KIAA0930: variants seen among roughly 807,000 people sequenced by gnomAD.
KIAA0930 encodes the protein uncharacterized protein KIAA0930.
KIAA0930 carries 24 observed loss-of-function variants against 43.9 expected under a neutral mutation model. The observed-to-expected ratio is 0.55, with a 90% CI of 0.40 to 0.77. The LOEUF is 0.77. KIAA0930 is among the 30% of genes least tolerant of loss of function. The pLI is 0.00. For synonymous variants in KIAA0930, 259 were observed against 216.4 expected (o/e 1.20, Z -1.73); for missense variants, 461 against 574.2 (o/e 0.80, Z 2.02).
intron 1 of KIAA0930, among the ~76,000 whole-genome samples, chr22:45,231,895 G>A (rs2083856050): frequency 6.6e-6 from 1 of 152,214 alleles, no homozygotes; most frequent in Admixed American, 6.5e-5. Flanking sequence ...GGAGGCTGAG[G>A]CAGGAGAATG....
rs55641702 is a variant in KIAA0930, at chr22:45,206,701, A to ATTT, written c.217-792_217-790dup. ...ACCTCTCCTGGGAGACTGGCTTCCA[A>ATTT]TTTTTTTTTTTTTTTGAGACAGAAT... is the stretch of plus-strand genomic sequence containing the variant. On this transcript the variant is annotated intron_variant, in intron 2 of 9. Coordinates refer to ENST00000336156, the MANE Select transcript of KIAA0930 (RefSeq NM_001009880.2). 5.5e-5 allele frequency among the ~76,000 whole-genome samples: 8 copies of ATTT among 146,218 alleles called. 2 individuals are homozygous for ATTT. Among genetic ancestry groups the ATTT allele is most frequent in the East Asian group, 2.0e-4 (1 of 5,004 alleles).
At chr22:45,205,770 G>GGGGGGCCC in intron 3 of KIAA0930, 23 bp downstream of exon 3, 22 of 1,523,732 alleles carry the variant, frequency 1.4e-5, no homozygotes, top group Non-Finnish European at 1.7e-5. Context: ...CCAATCCGCA[G>GGGGGGCCC]CCCCACCCAT....
At chr22:45,224,564 T>G (rs1206597695) in intron 1 of KIAA0930, among the ~76,000 whole-genome samples, 1 of 152,214 alleles carries the variant, frequency 6.6e-6, no homozygotes, top group Admixed American at 6.5e-5. Flanking sequence ...ATCAGTTAGT[T>G]TGGTCTCATG....
chr22:45,209,346 A>T (rs2083671902), intron 2 of KIAA0930, among the ~76,000 whole-genome samples: 1 of 152,020 alleles, frequency 6.6e-6, no homozygotes, highest in South Asian at 2.1e-4. Context: ...TCTCCCCATC[A>T]GCGCCTCCAG....
At position 45,197,884 on chromosome 22, in the gene KIAA0930, G is replaced by A. The variant is rs73434134; in HGVS notation, c.1080C>T (p.Val360=). ...RSLSGTGRSL[V]GSWLKLNRAD... is the part of the protein sequence containing the mutation. ...CTCTGTTCAGCTTCAGCCAGGACCC[G>A]ACCAGGGACCGTCCTGTGCCCGACA... The change falls in exon 9 of 10, where the codon GTC becomes GTT. Residue 360 remains valine, a synonymous_variant. Coordinates refer to ENST00000336156, the MANE Select transcript of KIAA0930 (RefSeq NM_001009880.2). The A allele has an allele frequency of 0.014, 22,941 of 1,614,132 alleles. 2,710 individuals carry two copies. The African/African-American group carries it at 0.26, about 18-fold the overall frequency.
At chr22:45,204,869 C>A (rs1018446928) in intron 5 of KIAA0930, among the ~76,000 whole-genome samples, 2 of 152,088 alleles carry the variant, frequency 1.3e-5, no homozygotes, top group Non-Finnish European at 2.9e-5. Context: ...GCTTCTTTAT[C>A]ATTTACTAGC....
chr22:45,228,552 G>T (rs967940800), intron 1 of KIAA0930, among the ~76,000 whole-genome samples: 2 of 152,156 alleles, frequency 1.3e-5, no homozygotes, highest in African/African-American at 2.4e-5. Context: ...CTTCCCAGAA[G>T]CGGCTCAGCA....
In KIAA0930 at chr22:45,199,900, C is replaced by A. The variant is rs1029599549; in HGVS notation, c.988G>T (p.Glu330Ter). The A allele has an allele frequency of 3.8e-6, 6 of 1,596,312 alleles. No individual in the cohort carries two copies. The African/African-American group carries it at 8.1e-5, about 21-fold the overall frequency. ...KKSHSANDSE[E>*]FFREDDGGAD... ...CCACCGTCGTCCTCCCGGAAGAACT[C>A]CTCGCTGTCGTTGGCCGAGTGCGAC... Residue 330 changes from glutamate to a stop codon, truncating the protein, a stop_gained, in exon 8 of 10, where the codon GAG becomes TAG. Coordinates refer to ENST00000336156, the MANE Select transcript of KIAA0930 (RefSeq NM_001009880.2). LOFTEE classifies it high-confidence loss of function.
intron 4 of KIAA0930, 47 bp downstream of exon 4, chr22:45,205,583 C>A (rs752034966): frequency 2.7e-5 from 43 of 1,575,438 alleles, no homozygotes; most frequent in Non-Finnish European, 3.8e-5. Context: ...CCACGCCCAG[C>A]CTGAACTGGC....
intron 7 of KIAA0930, 66 bp from the exon 8 acceptor site, chr22:45,200,101 C>A: frequency 6.9e-7 from 1 of 1,457,258 alleles, no homozygotes; most frequent in Middle Eastern, 2.5e-4. Context: ...TCCCAACGCC[C>A]CTCCTATCCC....
intron 7 of KIAA0930, among the ~76,000 whole-genome samples, chr22:45,202,333 C>T (rs567894803): frequency 3.9e-5 from 6 of 152,376 alleles, no homozygotes; most frequent in South Asian, 4.1e-4. Flanking sequence ...CTCAGCCTCC[C>T]GCCCTGGGGA....
intron 7 of KIAA0930, 148 bp downstream of exon 7, chr22:45,202,842 G>A (rs903105686): frequency 6.4e-5 from 41 of 639,182 alleles, no homozygotes; most frequent in African/African-American, 3.9e-4. Context: ...TGGGTGGTCC[G>A]GGCCTCCGCA....
At chr22:45,200,742 G>T (rs2147735779) in intron 7 of KIAA0930, among the ~76,000 whole-genome samples, 1 of 152,362 alleles carries the variant, frequency 6.6e-6, no homozygotes, top group East Asian at 1.9e-4. Context: ...CACATTGCAG[G>T]TCCCTGCCCT....
intron 1 of KIAA0930, among the ~76,000 whole-genome samples, chr22:45,218,274 C>T (rs1343533841): frequency 6.6e-6 from 1 of 151,488 alleles, no homozygotes; most frequent in African/African-American, 2.4e-5. Context: ...TCTCCCATCT[C>T]AGCCTCCCAA....
chr22:45,199,939 C>A lies in KIAA0930; in HGVS notation c.949G>T (p.Ala317Ser). ...LKRKVPRNRI[A>S]EMKKSHSAND... Reference sequence around the variant, plus strand: ...GCCGAGTGCGACTTCTTCATCTCAGCGATCCGGTTCCGGGGCACCTTCCTC... The same window carrying A: ...GCCGAGTGCGACTTCTTCATCTCAGAGATCCGGTTCCGGGGCACCTTCCTC... The change falls in exon 8 of 10, where the codon GCT becomes TCT. Residue 317 changes from alanine (A) to serine (S), a missense_variant. Physicochemically the swap from Ala to Ser is moderately conservative, Grantham distance 99 (BLOSUM62 1). Transcript: ENST00000336156. 1.9e-6 allele frequency: 3 copies of A among 1,609,322 alleles called. No homozygotes were observed. The highest frequency in any genetic ancestry group is 2.5e-6 in the Non-Finnish European group (3 of 1,177,150).
At position 45,192,298 on chromosome 22, in the gene KIAA0930, T is replaced by G. The variant is rs570040033; in HGVS notation, c.*4878A>C. ...TGCAAAACAACCTTTAAAAGAAACATGAAATCATAAAGCAAAGCTAACAGC... is the reference window on the plus strand; with the variant it reads ...TGCAAAACAACCTTTAAAAGAAACAGGAAATCATAAAGCAAAGCTAACAGC... On this transcript the variant is annotated 3_prime_UTR_variant, in exon 10 of 10. Coordinates refer to ENST00000336156, the MANE Select transcript of KIAA0930 (RefSeq NM_001009880.2). 1 of 151,982 alleles carries G rather than the reference T, an allele frequency of 6.6e-6. No homozygotes were observed. The highest frequency in any genetic ancestry group is 1.5e-5 in the Non-Finnish European group (1 of 67,982). The allele number at this position is 151,982 out of a possible 1,614,324, so 9.4% of individuals were successfully genotyped here. A position where few individuals can be genotyped will look rare whatever the true frequency, so the allele number is the denominator to read the frequency against.
intron 1 of KIAA0930, among the ~76,000 whole-genome samples, chr22:45,215,116 G>A (rs2083723369): frequency 6.6e-6 from 1 of 152,016 alleles, no homozygotes; most frequent in African/African-American, 2.4e-5. Flanking sequence ...TACTCGGGAG[G>A]CTGAGGCACT....
In KIAA0930 at chr22:45,215,273, A is replaced by C. The variant is rs566995154; in HGVS notation, c.65-3166T>G. 2.0e-5 allele frequency among the ~76,000 whole-genome samples: 3 copies of C among 152,320 alleles called. 1 individual carries two copies. The South Asian group carries it at 6.2e-4, about 32-fold the overall frequency. ...ACTTATCAAACTGTTTAGTCTACAT[A>C]TATGCAGTTTATTTTACATAAACCA... On this transcript the variant is annotated intron_variant, in intron 1 of 9. Transcript: ENST00000336156.
chr22:45,227,842 C>T (rs1385515921), intron 1 of KIAA0930, among the ~76,000 whole-genome samples: 3 of 152,158 alleles, frequency 2.0e-5, no homozygotes, highest in African/African-American at 4.8e-5. Context: ...CCGGCTGGGG[C>T]GGATCCATCG....
Sources: gnomAD v4.1 joint callset for allele counts (sites outside exome capture counted in the v4.1 genomes callset) on GRCh38, gnomAD v4.1.1 for gene constraint, MANE v1.5 for transcripts, NCBI Gene and HGNC (gene_info 2026-07-23, HGNC 2026-07-21) for gene names.